PPP4R2: variants seen among roughly 807,000 people sequenced by gnomAD.
PPP4R2 encodes the protein protein phosphatase 4 regulatory subunit 2.
In PPP4R2, 13 loss-of-function variants were observed where a neutral mutation model predicts 47.2. The ratio of observed to expected loss-of-function variants is 0.28; its 90% CI spans 0.18 to 0.44. PPP4R2 has a LOEUF of 0.44. Among genes scored for constraint, PPP4R2 ranks in the 20% least tolerant of loss-of-function variants. The pLI is 1.00. For synonymous variants in PPP4R2, 151 were observed against 163.3 expected, an observed-to-expected ratio of 0.92 and a Z score of 0.57; for missense variants, 421 against 491.2, an observed-to-expected ratio of 0.86 and a Z score of 1.35.
intron 3 of PPP4R2, among the ~76,000 whole-genome samples, chr3:73,048,968 T>C (rs1424459435): frequency 6.6e-6 from 1 of 152,188 alleles, no homozygotes; most frequent in South Asian, 2.1e-4. Context: ...TCATCAGTTA[T>C]AGTTACCCCT....
chr3:73,002,624 CTTTTCTTTTCTTTTTTTTTTTTTT>C (rs1448586928), intron 2 of PPP4R2, among the ~76,000 whole-genome samples: 15 of 67,024 alleles, frequency 2.2e-4, no homozygotes, highest in East Asian at 6.1e-4. Flanking sequence ...CTTTTCTTTT[CTTTTCTTTTCTTTTTTTTTTTTTT>C]TTTTTTTTTT....
At chr3:73,008,401 G>A (rs569060081) in intron 2 of PPP4R2, among the ~76,000 whole-genome samples, 3 of 152,244 alleles carry the variant, frequency 2.0e-5, no homozygotes, top group African/African-American at 4.8e-5. Context: ...AGTTAGGCAC[G>A]CCAACTTTCT....
chr3:72,997,707 T>G (rs1279867013), intron 1 of PPP4R2, among the ~76,000 whole-genome samples: 4 of 152,312 alleles, frequency 2.6e-5, no homozygotes, highest in Non-Finnish European at 4.4e-5. Context: ...AGTTGGTGCT[T>G]CTTAGAAAGG....
intron 2 of PPP4R2, among the ~76,000 whole-genome samples, chr3:73,007,422 G>A (rs1349413549): frequency 2.0e-5 from 3 of 152,042 alleles, no homozygotes; most frequent in African/African-American, 7.2e-5. Flanking sequence ...GAGGCTGTTA[G>A]ATCCTTTTGT....
intron 4 of PPP4R2, among the ~76,000 whole-genome samples, chr3:73,059,733 G>T (rs1046067294): frequency 6.6e-6 from 1 of 151,944 alleles, no homozygotes; most frequent in East Asian, 1.9e-4. Context: ...TCAGGAGTTC[G>T]AGACCAGGCT....
intron 2 of PPP4R2, among the ~76,000 whole-genome samples, chr3:73,042,602 A>G (rs1702402208): frequency 6.6e-6 from 1 of 151,942 alleles, no homozygotes; most frequent in African/African-American, 2.4e-5. Context: ...TGACCTTGTG[A>G]TAAGCCCGCC....
At chr3:73,052,769 C>T (rs529354467) in intron 3 of PPP4R2, among the ~76,000 whole-genome samples, 2 of 152,204 alleles carry the variant, frequency 1.3e-5, no homozygotes, top group Admixed American at 6.5e-5. Context: ...AGTCGGCCTC[C>T]TCACTCTGTG....
intron 8 of PPP4R2, 100 bp from the exon 9 acceptor site, chr3:73,065,297 G>A: frequency 2.2e-6 from 3 of 1,334,148 alleles, no homozygotes; most frequent in Non-Finnish European, 3.0e-6. Flanking sequence ...GAATTTCAGG[G>A]GATGTGATTT....
chr3:73,002,933 C>T (rs574103478), intron 2 of PPP4R2, among the ~76,000 whole-genome samples: 10 of 151,986 alleles, frequency 6.6e-5, no homozygotes, highest in African/African-American at 2.4e-4. Flanking sequence ...TGAACCACTG[C>T]GCCTGGCCCA....
chr3:73,063,908 C>A, intron 6 of PPP4R2, 95 bp from the exon 7 acceptor site: 1 of 1,259,964 alleles, frequency 7.9e-7, no homozygotes, highest in Admixed American at 2.2e-5. Flanking sequence ...AACAAAGTTG[C>A]AGCAAATACT....
chr3:73,064,228 TATAAGTTCTGAGGGACAGAAC>T, intron 7 of PPP4R2, 82 bp downstream of exon 7: 1 of 1,220,628 alleles, frequency 8.2e-7, no homozygotes. Flanking sequence ...ACTTACTATT[TATAAGTTCTGAGGGACAGAAC>T]AAGGTTTTCA....
rs761038651 is a variant in PPP4R2 at position 72,998,073 on chromosome 3, C to T, written c.35-4C>T. The T allele has an allele frequency of 1.3e-6, 2 of 1,595,114 alleles. No individual in the cohort carries two copies. Among genetic ancestry groups the T allele is most frequent in the East Asian group, 2.2e-5 (1 of 44,628 alleles). ...ATAACGTTTTTTTTTCTTCCTTCAT[C>T]TAGATTTTGAGAAGAGGGGGAAAAA... is the stretch of plus-strand genomic sequence containing the variant. On this transcript the variant is annotated splice_region_variant and splice_polypyrimidine_tract_variant and intron_variant, in intron 1 of 8. Coordinates refer to ENST00000356692, the MANE Select transcript of PPP4R2 (RefSeq NM_174907.4).
chr3:73,005,922 T>C lies in PPP4R2; in HGVS notation c.116+7764T>C, dbSNP rs75716440. Among the ~76,000 whole-genome samples, 61 of 152,014 alleles carry C rather than the reference T, an allele frequency of 4.0e-4. 1 individual carries two copies. The East Asian group carries it at 0.011, about 26-fold the overall frequency. ...ATGTACAGGTTGCTAAGTTTTCATA[T>C]CTACACTCAGGAAACCATCACAACA... On this transcript the variant is annotated intron_variant, in intron 2 of 8. Coordinates refer to ENST00000356692, the MANE Select transcript of PPP4R2 (RefSeq NM_174907.4).
Position 73,064,129 on chromosome 3 carries a change from TGAG to T in PPP4R2, c.625_627del (p.Glu209del), listed in dbSNP as rs113430317. 543 of 1,607,096 alleles carry T rather than the reference TGAG, an allele frequency of 3.4e-4. 1 individual carries two copies. Among genetic ancestry groups the T allele is most frequent in the African/African-American group, 3.3e-3 (246 of 74,478 alleles). On this transcript the variant is annotated inframe_deletion, in exon 7 of 9. Transcript: ENST00000356692. Reference sequence around the variant, plus strand: ...GCAAAGAGGCAAATTTGCAGCAAAATGAGGAGAAAAATCACAGGTTTGTATGTT... The same window carrying T: ...GCAAAGAGGCAAATTTGCAGCAAAATGAGAAAAATCACAGGTTTGTATGTT...
intron 2 of PPP4R2, among the ~76,000 whole-genome samples, chr3:73,042,434 G>C (rs974540395): frequency 1.4e-5 from 2 of 139,206 alleles, no homozygotes; most frequent in African/African-American, 2.8e-5. Flanking sequence ...CTGCAATCTT[G>C]GCTCACTGCA....
intron 3 of PPP4R2, among the ~76,000 whole-genome samples, chr3:73,058,291 T>C (rs1702769445): frequency 6.6e-6 from 1 of 152,096 alleles, no homozygotes; most frequent in Non-Finnish European, 1.5e-5. Flanking sequence ...TTTAAAATAT[T>C]TGTAGTTTTG....
chr3:73,063,324 A>AAAC (rs1475799254), intron 5 of PPP4R2: 1 of 175,738 alleles, frequency 5.7e-6, no homozygotes, highest in Non-Finnish European at 1.2e-5. Context: ...TATTTAAAAA[A>AAAC]AAAAAAAAAA....
chr3:73,021,639 C>T (rs1485833617), intron 2 of PPP4R2, among the ~76,000 whole-genome samples: 1 of 152,030 alleles, frequency 6.6e-6, no homozygotes, highest in African/African-American at 2.4e-5. Context: ...CTCTGTTTAT[C>T]ACAGTATTTG....
chr3:73,004,003 CTT>C (rs1028599875), intron 2 of PPP4R2, among the ~76,000 whole-genome samples: 45 of 146,662 alleles, frequency 3.1e-4, no homozygotes, highest in Non-Finnish European at 5.0e-4. Context: ...CCTGGCCTAA[CTT>C]TTGTATTTTT....
Sources: gnomAD v4.1 joint callset for allele counts (sites outside exome capture counted in the v4.1 genomes callset) on GRCh38, gnomAD v4.1.1 for gene constraint, MANE v1.5 for transcripts, NCBI Gene and HGNC (gene_info 2026-07-23, HGNC 2026-07-21) for gene names.